Variants in SCHIP1 observed in about 807,000 individuals in gnomAD.
The protein encoded by SCHIP1 is schwannomin-interacting protein 1.
SCHIP1 carries 8 observed loss-of-function variants against 29.7 expected under a neutral mutation model. The observed-to-expected ratio is 0.27, with a 90% CI of 0.16 to 0.49. The LOEUF (loss-of-function observed/expected upper bound fraction) is 0.49. Ranked by LOEUF, SCHIP1 falls within the 20% of genes least tolerant of loss-of-function variation. SCHIP1 has a pLI of 0.99. For missense variants in SCHIP1, 193 were observed against 294.6 expected (o/e 0.66, Z 2.52); for synonymous variants, 76 against 94.9 (o/e 0.80, Z 1.16).
chr3:159,296,214 A>C, the SCHIP1 span, among the ~76,000 whole-genome samples: 1 of 152,102 alleles, frequency 6.6e-6, no homozygotes, highest in African/African-American at 2.4e-5. Flanking sequence ...ACATGTGAAC[A>C]TAAAAAATAG....
At chr3:159,470,575 C>T in the SCHIP1 span, among the ~76,000 whole-genome samples, 2 of 152,098 alleles carry the variant, frequency 1.3e-5, no homozygotes, top group Non-Finnish European at 2.9e-5. Flanking sequence ...TACAGGCACA[C>T]ACACATATAC....
chr3:159,670,940 G>A, the SCHIP1 span, among the ~76,000 whole-genome samples: 1,057 of 152,138 alleles, frequency 6.9e-3, 11 homozygotes, highest in African/African-American at 0.024. Context: ...AAAGCCCAAT[G>A]CAAAATGAAA....
chr3:159,845,955 T>A (rs1261661660), intron 1 of SCHIP1: 1 of 152,146 alleles, frequency 6.6e-6, no homozygotes, highest in African/African-American at 2.4e-5. Flanking sequence ...TTTAAACATC[T>A]CATGTGCCAG....
the SCHIP1 span, among the ~76,000 whole-genome samples, chr3:159,348,211 G>T: frequency 6.6e-6 from 1 of 152,030 alleles, no homozygotes; most frequent in African/African-American, 2.4e-5. Context: ...TTTTCATTCA[G>T]TATTGAATGT....
At chr3:159,318,791 G>A in the SCHIP1 span, among the ~76,000 whole-genome samples, 2 of 152,170 alleles carry the variant, frequency 1.3e-5, no homozygotes, top group Non-Finnish European at 2.9e-5. Context: ...GAATGCTGCT[G>A]AGCATGACCC....
the SCHIP1 span, among the ~76,000 whole-genome samples, chr3:159,419,923 A>G: frequency 6.6e-6 from 1 of 152,240 alleles, no homozygotes; most frequent in Non-Finnish European, 1.5e-5. Flanking sequence ...ACAACTGGAA[A>G]CTTTCTGTGT....
the SCHIP1 span, among the ~76,000 whole-genome samples, chr3:159,467,513 A>T: frequency 6.6e-6 from 1 of 152,024 alleles, no homozygotes; most frequent in African/African-American, 2.4e-5. Context: ...AAAAAATAAA[A>T]AGAACTGGCC....
At chr3:159,823,340 C>A in the SCHIP1 span, among the ~76,000 whole-genome samples, 1 of 152,110 alleles carries the variant, frequency 6.6e-6, no homozygotes, top group South Asian at 2.1e-4. Flanking sequence ...GAAACCTCCT[C>A]GAAAATTACA....
the SCHIP1 span, among the ~76,000 whole-genome samples, chr3:159,338,098 A>G: frequency 1.3e-5 from 2 of 152,194 alleles, no homozygotes; most frequent in Admixed American, 6.5e-5. Flanking sequence ...GAACTTTTCT[A>G]GATGCTGGGG....
chr3:159,649,608 A>C, the SCHIP1 span, among the ~76,000 whole-genome samples: 1 of 152,214 alleles, frequency 6.6e-6, no homozygotes, highest in Non-Finnish European at 1.5e-5. Flanking sequence ...GAAGAATCAA[A>C]TCTGTAAAAT....
the SCHIP1 span, among the ~76,000 whole-genome samples, chr3:159,298,972 T>C: frequency 6.6e-6 from 1 of 152,184 alleles, no homozygotes; most frequent in Non-Finnish European, 1.5e-5. Context: ...CTCCTCTCTG[T>C]ACCTTTTGCT....
chr3:159,426,810 G>C, the SCHIP1 span, among the ~76,000 whole-genome samples: 1 of 152,164 alleles, frequency 6.6e-6, no homozygotes, highest in Non-Finnish European at 1.5e-5. Flanking sequence ...ACTGAATCCA[G>C]CAGCACATCA....
the SCHIP1 span, among the ~76,000 whole-genome samples, chr3:159,355,619 T>A: frequency 6.6e-6 from 1 of 152,150 alleles, no homozygotes; most frequent in South Asian, 2.1e-4. Flanking sequence ...ATATTCTATT[T>A]CTTGGAGAAA....
chr3:159,802,115 A>G, the SCHIP1 span, among the ~76,000 whole-genome samples: 4 of 152,322 alleles, frequency 2.6e-5, no homozygotes, highest in South Asian at 8.3e-4. Context: ...ACAAAAGAAC[A>G]AAGAGGGCCT....
chr3:159,441,457 C>T, the SCHIP1 span, among the ~76,000 whole-genome samples: 1 of 151,898 alleles, frequency 6.6e-6, no homozygotes, highest in Admixed American at 6.6e-5. Context: ...TTGCACAAGC[C>T]AAGCAGCCAG....
chr3:159,357,724 ACT>A, the SCHIP1 span, among the ~76,000 whole-genome samples: 3 of 152,220 alleles, frequency 2.0e-5, no homozygotes, highest in Non-Finnish European at 4.4e-5. Flanking sequence ...GTAAAATAGT[ACT>A]TATTTATTTA....
the SCHIP1 span, chr3:159,273,745 T>G: frequency 6.3e-7 from 1 of 1,583,650 alleles, no homozygotes; most frequent in Non-Finnish European, 8.6e-7. Context: ...AGGTGACCCT[T>G]TACGGATTTC....
At chr3:159,384,942 G>A in the SCHIP1 span, among the ~76,000 whole-genome samples, 1 of 152,250 alleles carries the variant, frequency 6.6e-6, no homozygotes, top group South Asian at 2.1e-4. Context: ...GTATTTCTGT[G>A]GGATCGGTGG....
At chr3:159,693,615 A>C in the SCHIP1 span, among the ~76,000 whole-genome samples, 1 of 152,330 alleles carries the variant, frequency 6.6e-6, no homozygotes, top group Non-Finnish European at 1.5e-5. Context: ...AGAAAACGCC[A>C]AGACACCCAG....
Sources: gnomAD v4.1 joint callset for allele counts (sites outside exome capture counted in the v4.1 genomes callset) on GRCh38, gnomAD v4.1.1 for gene constraint, MANE v1.5 for transcripts, NCBI Gene and HGNC (gene_info 2026-07-23, HGNC 2026-07-21) for gene names.